Variants in NRXN1 observed in about 807,000 individuals in gnomAD.
NRXN1 encodes neurexin 1, also known as neurexin-1.
Under a neutral mutation model 150.9 loss-of-function variants are expected in NRXN1, and 39 were observed. The observed-to-expected ratio is 0.26, with a 90% CI of 0.20 to 0.34. NRXN1 has a LOEUF of 0.34. Among genes scored for constraint, NRXN1 ranks in the 10% least tolerant of loss-of-function variants. The pLI, the probability that NRXN1 is intolerant of heterozygous loss-of-function variation, is 1.00. For synonymous variants in NRXN1, 924 were observed against 757.0 expected, an observed-to-expected ratio of 1.22 and a Z score of -3.62; for missense variants, 1,815 against 1,949.9, an observed-to-expected ratio of 0.93 and a Z score of 1.30.
chr2:50,854,171 T>G (rs1418757861), intron 5 of NRXN1, among the ~76,000 whole-genome samples: 1 of 152,040 alleles, frequency 6.6e-6, no homozygotes, highest in Non-Finnish European at 1.5e-5. Context: ...CTTTGAGACC[T>G]GGGAGCTTAT....
chr2:50,292,070 T>C (rs187384151), intron 17 of NRXN1, among the ~76,000 whole-genome samples: 29 of 152,308 alleles, frequency 1.9e-4, no homozygotes, highest in African/African-American at 7.0e-4. Context: ...AGATACTGGT[T>C]TCTTCATTAA....
At chr2:50,052,307 T>TC (rs1692843989) in intron 21 of NRXN1, among the ~76,000 whole-genome samples, 1 of 152,136 alleles carries the variant, frequency 6.6e-6, no homozygotes, top group South Asian at 2.1e-4. Flanking sequence ...CTACTGAATA[T>TC]ACTCACTATC....
intron 9 of NRXN1, among the ~76,000 whole-genome samples, chr2:50,549,012 G>A (rs1364655192): frequency 2.6e-5 from 4 of 152,088 alleles, no homozygotes; most frequent in Admixed American, 2.0e-4. Context: ...AGGAGCCCAT[G>A]TTACCCTCTT....
chr2:50,833,272 A>G (rs1478132925), intron 5 of NRXN1, among the ~76,000 whole-genome samples: 3 of 152,234 alleles, frequency 2.0e-5, no homozygotes, highest in Non-Finnish European at 4.4e-5. Flanking sequence ...ACAGTTTGGC[A>G]GTATCCTATA....
intron 17 of NRXN1, among the ~76,000 whole-genome samples, chr2:50,442,163 T>C (rs1364028759): frequency 3.9e-5 from 6 of 152,306 alleles, no homozygotes; most frequent in Admixed American, 3.9e-4. Context: ...AATAGCTCTA[T>C]GATCCTGGGC....
At chr2:50,070,571 C>A (rs1476508835) in intron 19 of NRXN1, among the ~76,000 whole-genome samples, 1 of 151,708 alleles carries the variant, frequency 6.6e-6, no homozygotes, top group African/African-American at 2.4e-5. Flanking sequence ...GAGATCGAGA[C>A]CATCCCGGCT....
chr2:49,974,146 G>A, intron 21 of NRXN1: 2 of 713,244 alleles, frequency 2.8e-6, no homozygotes, highest in East Asian at 2.7e-5. Flanking sequence ...AATTGCCTGC[G>A]CATCAGCCCG....
chr2:50,320,308 A>G (rs1478533766), intron 17 of NRXN1, among the ~76,000 whole-genome samples: 1 of 123,318 alleles, frequency 8.1e-6, no homozygotes, highest in African/African-American at 3.2e-5. Flanking sequence ...ATATATATAT[A>G]TATATATATA....
intron 21 of NRXN1, among the ~76,000 whole-genome samples, chr2:49,960,865 C>T (rs1013181659): frequency 2.6e-5 from 4 of 152,088 alleles, no homozygotes; most frequent in Non-Finnish European, 4.4e-5. Context: ...GGCAATGGTT[C>T]TTGACAAAAG....
chr2:50,047,010 A>G (rs1026808614), intron 21 of NRXN1, among the ~76,000 whole-genome samples: 5 of 152,212 alleles, frequency 3.3e-5, no homozygotes, highest in African/African-American at 1.2e-4. Flanking sequence ...TTTTCAGTCT[A>G]TCACATAGAA....
At chr2:50,900,794 C>A (rs759408920) in intron 5 of NRXN1, among the ~76,000 whole-genome samples, 5 of 152,082 alleles carry the variant, frequency 3.3e-5, no homozygotes, top group Non-Finnish European at 7.4e-5. Context: ...CCAGCTAAAG[C>A]AGCTGGCAGG....
intron 17 of NRXN1, among the ~76,000 whole-genome samples, chr2:50,310,924 T>A (rs1481210625): frequency 1.3e-5 from 2 of 152,174 alleles, no homozygotes; most frequent in Non-Finnish European, 2.9e-5. Flanking sequence ...TGTTTCTTAA[T>A]AATTTTCAAA....
intron 15 of NRXN1, among the ~76,000 whole-genome samples, chr2:50,490,782 G>A (rs1216880296): frequency 1.3e-5 from 2 of 152,128 alleles, no homozygotes; most frequent in Non-Finnish European, 2.9e-5. Context: ...AAACCAAGAG[G>A]ATGGCTCTTG....
At chr2:50,643,305 T>TA (rs1028018216) in intron 5 of NRXN1, among the ~76,000 whole-genome samples, 3 of 151,730 alleles carry the variant, frequency 2.0e-5, no homozygotes, top group East Asian at 1.9e-4. Context: ...CAATAAATTG[T>TA]AAAAAAAAGT....
chr2:50,442,516 A>C (rs2086047630), intron 17 of NRXN1, among the ~76,000 whole-genome samples: 1 of 152,116 alleles, frequency 6.6e-6, no homozygotes, highest in Non-Finnish European at 1.5e-5. Context: ...GGAGGGAGAA[A>C]TGTGGAGAGT....
chr2:50,945,950 T>C (rs1004384123), intron 2 of NRXN1, among the ~76,000 whole-genome samples: 3 of 149,592 alleles, frequency 2.0e-5, no homozygotes, highest in Non-Finnish European at 4.4e-5. Context: ...TTATTATTAT[T>C]ATTATTATTA....
intron 10 of NRXN1, among the ~76,000 whole-genome samples, chr2:50,533,522 T>G (rs940608868): frequency 6.6e-6 from 1 of 152,148 alleles, no homozygotes; most frequent in Admixed American, 6.6e-5. Context: ...CTGCAAGTCC[T>G]AAAGGCTCTA....
chr2:50,423,087 C>A (rs1231168390), intron 17 of NRXN1, among the ~76,000 whole-genome samples: 1 of 152,170 alleles, frequency 6.6e-6, no homozygotes, highest in African/African-American at 2.4e-5. Context: ...CACATTGAAT[C>A]CTTGACAAGT....
chr2:50,001,720 CAT>C (rs1173123063), intron 21 of NRXN1, among the ~76,000 whole-genome samples: 1 of 152,044 alleles, frequency 6.6e-6, no homozygotes, highest in Admixed American at 6.6e-5. Flanking sequence ...TACGTATTTA[CAT>C]ATATATGTTT....
Sources: allele counts gnomAD v4.1 joint callset (sites outside exome capture counted in the v4.1 genomes callset), GRCh38; gene constraint gnomAD v4.1.1; transcripts MANE v1.5; gene names NCBI Gene and HGNC (gene_info 2026-07-23, HGNC 2026-07-21).